The following IFT172 variants were observed in gnomAD, a reference collection of about 807,000 sequenced individuals.
The protein encoded by IFT172 is intraflagellar transport protein 172 homolog.
Under a neutral mutation model 248.9 loss-of-function variants are expected in IFT172, and 164 were observed. That is an observed-to-expected ratio of 0.66 (90% confidence interval 0.58 to 0.75). The LOEUF is 0.75. Among genes scored for constraint, IFT172 ranks in the 30% least tolerant of loss-of-function variants. The probability of loss-of-function intolerance (pLI) is 0.00; values close to 1 mark genes in which losing one functional copy is unlikely to be tolerated. For synonymous variants in IFT172, 729 were observed against 791.6 expected (o/e 0.92, Z 1.33); for missense variants, 1,950 against 2,192.4 (o/e 0.89, Z 2.21).
At chr2:27,473,496 G>C (rs1011033806) in intron 14 of IFT172, among the ~76,000 whole-genome samples, 29 of 149,800 alleles carry the variant, frequency 1.9e-4, no homozygotes, top group East Asian at 1.8e-3. Context: ...ATTTTTAGTA[G>C]AGACAGGGTT....
At position 27,461,490 on chromosome 2, in the gene IFT172, G is replaced by C; in HGVS notation, c.2221C>G (p.Arg741Gly). The stretch of plus-strand genomic sequence containing the variant: ...TCCATCAGCCACTGGTAGTAACTAC[G>C]ACGTAGCTTCTCCAGGGCTGGGTGC... ...KGHPALEKLR[R>G]SYYQWLMDTQ... is the part of the protein sequence containing the mutation. Residue 741 changes from arginine (R) to glycine (G), a missense_variant, in exon 22 of 48, where the codon CGT (arginine) becomes GGT (glycine). By Grantham distance (125) the Arg-to-Gly change is moderately radical. Around this residue, in one of 3 missense-constraint regions of IFT172, gnomAD observed 1,166 missense variants for 1,254.1 expected, o/e 0.93. Coordinates refer to ENST00000260570, the MANE Select transcript of IFT172 (RefSeq NM_015662.3). 1 of 1,614,048 alleles carries C rather than the reference G, an allele frequency of 6.2e-7. No individual in the cohort carries two copies. The highest frequency in any genetic ancestry group is 8.5e-7 in the Non-Finnish European group (1 of 1,179,970).
chr2:27,489,620 G>A lies in IFT172; in HGVS notation c.34C>T (p.Pro12Ser). ...HLKHLRTLLSPQDGAAKVTCM... is the reference protein window; with the variant it reads ...HLKHLRTLLSSQDGAAKVTCM... ...ACTGGCACGCAATTCCTCACCTGAGGGCTCAGCAGGGTCCTCAGGTGCTTC... is the reference window on the plus strand; with the variant it reads ...ACTGGCACGCAATTCCTCACCTGAGAGCTCAGCAGGGTCCTCAGGTGCTTC... The change falls in exon 1 of 48, where the codon CCT (proline) becomes TCT (serine). Residue 12 changes from proline (P) to serine (S), a missense_variant. Pro to Ser is a moderately conservative substitution (Grantham distance 74, BLOSUM62 -1). Coordinates refer to ENST00000260570, the MANE Select transcript of IFT172 (RefSeq NM_015662.3). 6.2e-7 allele frequency: 1 copy of A among 1,612,198 alleles called. No individual in the cohort carries two copies. The highest frequency in any genetic ancestry group is 1.1e-5 in the South Asian group (1 of 90,980).
intron 24 of IFT172, 79 bp downstream of exon 24, chr2:27,459,630 T>C: frequency 6.2e-7 from 1 of 1,603,302 alleles, no homozygotes; most frequent in East Asian, 2.2e-5. Context: ...ATCTCTTCTT[T>C]AAGGCCTTGG....
intron 1 of IFT172, among the ~76,000 whole-genome samples, chr2:27,488,642 C>CT (rs1241144462): frequency 6.6e-6 from 1 of 152,182 alleles, no homozygotes; most frequent in African/African-American, 2.4e-5. Context: ...TTTCACACTG[C>CT]TTTTCAGTTT....
intron 8 of IFT172, among the ~76,000 whole-genome samples, chr2:27,480,536 A>G (rs1434666371): frequency 2.0e-5 from 3 of 152,226 alleles, no homozygotes; most frequent in African/African-American, 2.4e-5. Context: ...GGTTAAACAC[A>G]TGCCAGAGAA....
intron 40 of IFT172, 132 bp from the exon 41 acceptor site, chr2:27,448,054 G>T: frequency 2.2e-6 from 1 of 451,104 alleles, no homozygotes. Flanking sequence ...CAAGGGCTGG[G>T]GGACAGTGGC....
At chr2:27,463,265 G>T in intron 18 of IFT172, 84 bp from the exon 19 acceptor site, 2 of 1,283,120 alleles carry the variant, frequency 1.6e-6, no homozygotes, top group Non-Finnish European at 2.2e-6. Context: ...ACAAATTGAT[G>T]TACATCTATG....
intron 42 of IFT172, 30 bp from the exon 43 acceptor site, chr2:27,446,385 T>C: frequency 1.9e-6 from 3 of 1,601,902 alleles, no homozygotes; most frequent in Non-Finnish European, 2.6e-6. Flanking sequence ...ATTATGAATA[T>C]GGCACTAAAG....
chr2:27,476,185 A>C (rs1278623713), intron 14 of IFT172, among the ~76,000 whole-genome samples: 2 of 152,202 alleles, frequency 1.3e-5, no homozygotes. Context: ...CATAAATTTA[A>C]TGGGCCTTCT....
rs377521375 is a variant in IFT172, at chr2:27,454,095, C to G, written c.3598G>C (p.Ala1200Pro). 8 of 1,613,976 alleles carry G rather than the reference C, an allele frequency of 5.0e-6. No individual in the cohort carries two copies. The highest frequency in any genetic ancestry group is 6.8e-6 in the Non-Finnish European group (8 of 1,180,026). Residue 1200 changes from alanine to proline, a missense_variant, in exon 33 of 48, where the codon GCC becomes CCC. Around this residue, in one of 3 missense-constraint regions of IFT172, gnomAD observed 620 missense variants for 699.0 expected, o/e 0.89. Transcript: ENST00000260570. The surrounding 1 kb of genome is among the most constrained non-coding windows in gnomAD (Gnocchi z 4.2). ...VAEAHDPDSV[A>P]EVLVGQARGA... ...CGGGCCTGTCCCACAAGCACCTCGGCGACACTGTCAGGGTCGTGAGCCTCA... is the reference window on the plus strand; with the variant it reads ...CGGGCCTGTCCCACAAGCACCTCGGGGACACTGTCAGGGTCGTGAGCCTCA...
intron 9 of IFT172, 32 bp downstream of exon 9, chr2:27,479,976 TCTAGTTTGGTGAAAGTCA>T (rs1189408686): frequency 1.3e-6 from 2 of 1,587,488 alleles, no homozygotes; most frequent in Admixed American, 1.8e-5. Flanking sequence ...AGGATTTTTT[TCTAGTTTGGTGAAAGTCA>T]CCAATCCAGA....
intron 42 of IFT172, among the ~76,000 whole-genome samples, chr2:27,446,726 T>C (rs1231165850): frequency 2.4e-5 from 3 of 127,202 alleles, no homozygotes; most frequent in Non-Finnish European, 4.8e-5. Flanking sequence ...GGAGTCTCGC[T>C]CTGTCGCCCA....
At chr2:27,488,531 C>A (rs1572844340) in intron 1 of IFT172, among the ~76,000 whole-genome samples, 1 of 152,200 alleles carries the variant, frequency 6.6e-6, no homozygotes, top group Non-Finnish European at 1.5e-5. Flanking sequence ...GCTGGGATTA[C>A]AGGTGTGAGC....
intron 11 of IFT172, 128 bp from the exon 12 acceptor site, chr2:27,477,740 T>A: frequency 1.2e-6 from 1 of 802,212 alleles, no homozygotes; most frequent in South Asian, 1.5e-5. Context: ...ACAAAAGAGG[T>A]GCTGTATCAG....
intron 28 of IFT172, 42 bp from the exon 29 acceptor site, chr2:27,457,797 G>A: frequency 6.2e-7 from 1 of 1,614,146 alleles, no homozygotes. Context: ...GGGAGATGGA[G>A]CCTGGTTGGG....
rs752753656 is a variant in IFT172 at position 27,449,705 on chromosome 2, C to G, written c.4146G>C (p.Lys1382Asn). 5 of 1,613,198 alleles carry G rather than the reference C, an allele frequency of 3.1e-6. No individual in the cohort carries two copies. The highest frequency in any genetic ancestry group is 1.6e-4 in the Middle Eastern group (1 of 6,080). Residue 1382 changes from lysine (K) to asparagine (N), a missense_variant, in exon 37 of 48, where the codon AAG (lysine) becomes AAC (asparagine). Coordinates refer to ENST00000260570, the MANE Select transcript of IFT172 (RefSeq NM_015662.3). ...EEWNKAKRVA[K>N]ELDPRYEDYV... ...TACAAGCTTACCTGGGATCTAACTC[C>G]TTAGCTACACGCTTCGCCTTGTTCC...
intron 16 of IFT172, among the ~76,000 whole-genome samples, chr2:27,468,004 C>CA (rs1285498564): frequency 6.6e-6 from 1 of 151,606 alleles, no homozygotes; most frequent in Non-Finnish European, 1.5e-5. Flanking sequence ...ACTAAAAATA[C>CA]AAAAAATTAG....
At chr2:27,472,464 C>G (rs1667644846) in intron 14 of IFT172, 102 bp from the exon 15 acceptor site, 2 of 853,476 alleles carry the variant, frequency 2.3e-6, no homozygotes, top group Non-Finnish European at 3.7e-6. Flanking sequence ...AGCTAGGTCT[C>G]TTTTAGAATT....
At chr2:27,477,066 C>T (rs1179370025) in intron 13 of IFT172, 151 bp downstream of exon 13, 1 of 711,512 alleles carries the variant, frequency 1.4e-6, no homozygotes, top group Non-Finnish European at 2.5e-6. Context: ...CTCAAGTAAT[C>T]TGCTTGCCTC....
Sources: gnomAD v4.1 joint callset for allele counts (sites outside exome capture counted in the v4.1 genomes callset) on GRCh38, gnomAD v4.1.1 for gene constraint, gnomAD v4.1.1 regional missense constraint, Gnocchi (gnomAD v3.1) non-coding constraint, MANE v1.5 for transcripts, NCBI Gene and HGNC (gene_info 2026-07-23, HGNC 2026-07-21) for gene names.